The following SPTBN1 variants were observed in gnomAD, a reference collection of about 807,000 sequenced individuals.
SPTBN1 encodes the protein spectrin beta chain, non-erythrocytic 1.
In SPTBN1, 32 loss-of-function variants were observed where a neutral mutation model predicts 266.4. The ratio of observed to expected loss-of-function variants is 0.12; its 90% CI spans 0.09 to 0.16. The LOEUF (loss-of-function observed/expected upper bound fraction) is 0.16, where lower values mean the gene tolerates loss of function less well. Among genes scored for constraint, SPTBN1 ranks in the 10% least tolerant of loss-of-function variants. SPTBN1 has a pLI of 1.00. For synonymous variants in SPTBN1, 1,336 were observed against 1,162.2 expected (o/e 1.15, Z -3.04); for missense variants, 2,296 against 3,067.1 (o/e 0.75, Z 5.94).
At chr2:54,486,169 G>T (rs79445655) in intron 1 of SPTBN1, among the ~76,000 whole-genome samples, 3 of 145,196 alleles carry the variant, frequency 2.1e-5, no homozygotes, top group African/African-American at 5.1e-5. Context: ...GGCCGCCCCT[G>T]CTGGGAAGTG....
intron 26 of SPTBN1, among the ~76,000 whole-genome samples, chr2:54,652,281 GA>G (rs748319903): frequency 1.6e-4 from 24 of 152,128 alleles, no homozygotes; most frequent in Non-Finnish European, 2.9e-4. Context: ...CAGTTTTAAA[GA>G]CATATACCGT....
At chr2:54,579,948 G>T (rs1274256257) in intron 2 of SPTBN1, among the ~76,000 whole-genome samples, 1 of 152,192 alleles carries the variant, frequency 6.6e-6, no homozygotes, top group East Asian at 1.9e-4. Context: ...CCTTTCTGAG[G>T]GTAAAAGCTG....
chr2:54,499,966 G>A (rs565736294), intron 1 of SPTBN1, among the ~76,000 whole-genome samples: 2 of 152,246 alleles, frequency 1.3e-5, no homozygotes, highest in East Asian at 1.9e-4. Context: ...AGGCGCAAAT[G>A]GTAATTGAAA....
At chr2:54,643,195 A>G in intron 19 of SPTBN1, 66 bp downstream of exon 19, 1 of 1,590,350 alleles carries the variant, frequency 6.3e-7, no homozygotes, top group Non-Finnish European at 8.6e-7. Context: ...ACTCCTTTTT[A>G]TTTAGCACAT....
chr2:54,657,345 C>G lies in SPTBN1; in HGVS notation c.6047-505C>G, dbSNP rs186333192. ...TCTGGCTACGTGTAGATTGTGAATT[C>G]CTGCAGGTCTCTGAAGGCTTAGCTC... is the stretch of plus-strand genomic sequence containing the variant. On this transcript the variant is annotated intron_variant, in intron 29 of 35. Transcript: ENST00000356805. Among the ~76,000 whole-genome samples, 80 of 151,706 alleles carry G rather than the reference C, an allele frequency of 5.3e-4. 1 individual carries two copies. The highest frequency in any genetic ancestry group is 1.3e-3 in the Admixed American group (20 of 15,254).
At chr2:54,602,444 C>A (rs891969737) in intron 3 of SPTBN1, among the ~76,000 whole-genome samples, 1 of 152,214 alleles carries the variant, frequency 6.6e-6, no homozygotes, top group Admixed American at 6.5e-5. Context: ...AGCTCATAAT[C>A]CACTTTAGAT....
intron 24 of SPTBN1, among the ~76,000 whole-genome samples, chr2:54,647,520 G>A (rs1423391741): frequency 6.6e-6 from 1 of 152,190 alleles, no homozygotes; most frequent in Non-Finnish European, 1.5e-5. Context: ...GAATATTGGT[G>A]TCGTGAGTCA....
At chr2:54,546,927 G>A (rs1672272987) in intron 2 of SPTBN1, among the ~76,000 whole-genome samples, 1 of 146,022 alleles carries the variant, frequency 6.8e-6, no homozygotes, top group Non-Finnish European at 1.5e-5. Flanking sequence ...CTTTACTGAA[G>A]TATGTTTTTA....
At chr2:54,534,548 A>G (rs1419973800) in intron 2 of SPTBN1, among the ~76,000 whole-genome samples, 1 of 152,244 alleles carries the variant, frequency 6.6e-6, no homozygotes, top group Admixed American at 6.5e-5. Context: ...TATTTTTCAC[A>G]TATAAATGGT....
chr2:54,661,073 G>C (rs1040146394), intron 32 of SPTBN1: 1 of 985,396 alleles, frequency 1.0e-6, no homozygotes, highest in African/African-American at 1.7e-5. Flanking sequence ...AGTCATGTCA[G>C]TGTCTCTGTA....
At chr2:54,667,700 T>C (rs1681454363) in intron 35 of SPTBN1, 54 bp downstream of exon 35, 2 of 1,499,456 alleles carry the variant, frequency 1.3e-6, no homozygotes, top group African/African-American at 1.4e-5. Flanking sequence ...CAAGTGTTTG[T>C]GTGATGATGG....
intron 34 of SPTBN1, among the ~76,000 whole-genome samples, chr2:54,666,907 G>C (rs1415486018): frequency 6.6e-6 from 1 of 152,154 alleles, no homozygotes; most frequent in East Asian, 1.9e-4. Flanking sequence ...TTTGGGTCCT[G>C]GAACACTTTA....
chr2:54,545,944 C>T (rs1456276607), intron 2 of SPTBN1, among the ~76,000 whole-genome samples: 3 of 152,120 alleles, frequency 2.0e-5, no homozygotes, highest in Non-Finnish European at 2.9e-5. Context: ...GGGATGATAG[C>T]AACCTTTGTC....
intron 2 of SPTBN1, among the ~76,000 whole-genome samples, chr2:54,530,648 C>T (rs564682234): frequency 4.6e-5 from 7 of 152,186 alleles, no homozygotes; most frequent in Non-Finnish European, 8.8e-5. Flanking sequence ...TGAGCCACCG[C>T]GCCCGGCTTA....
chr2:54,612,467 G>A, intron 4 of SPTBN1, 133 bp downstream of exon 4: 1 of 1,030,996 alleles, frequency 9.7e-7, no homozygotes, highest in Non-Finnish European at 1.4e-6. Context: ...AGTCATGTGT[G>A]TCATATCCAG....
chr2:54,654,807 C>A (rs1680539561), intron 27 of SPTBN1, among the ~76,000 whole-genome samples: 1 of 152,178 alleles, frequency 6.6e-6, no homozygotes, highest in Non-Finnish European at 1.5e-5. Context: ...CACCTAGCAA[C>A]CATTTTGAAT....
intron 11 of SPTBN1, 77 bp downstream of exon 11, chr2:54,625,039 C>T: frequency 1.4e-6 from 2 of 1,477,450 alleles, no homozygotes; most frequent in Non-Finnish European, 9.0e-7. Flanking sequence ...GGGCATAGGG[C>T]CAGAGGACAG....
intron 1 of SPTBN1, among the ~76,000 whole-genome samples, chr2:54,503,467 C>T (rs1322553500): frequency 6.6e-6 from 1 of 152,102 alleles, no homozygotes; most frequent in African/African-American, 2.4e-5. Flanking sequence ...CTCTTTGACA[C>T]TGGCTGTCTC....
intron 2 of SPTBN1, among the ~76,000 whole-genome samples, chr2:54,544,964 C>T (rs1041574171): frequency 3.3e-5 from 5 of 152,112 alleles, no homozygotes; most frequent in African/African-American, 1.2e-4. Flanking sequence ...GTGTGATGTT[C>T]CCCGCCCTGT....
Sources: allele counts gnomAD v4.1 joint callset (sites outside exome capture counted in the v4.1 genomes callset), GRCh38; gene constraint gnomAD v4.1.1; transcripts MANE v1.5; gene names NCBI Gene and HGNC (gene_info 2026-07-23, HGNC 2026-07-21).